Variants in TMPRSS15 observed in about 807,000 individuals in gnomAD.
The protein encoded by TMPRSS15 is transmembrane serine protease 15, also known as enteropeptidase.
Under a neutral mutation model 125.3 loss-of-function variants are expected in TMPRSS15, and 128 were observed. The ratio of observed to expected loss-of-function variants is 1.02; its 90% CI spans 0.89 to 1.18. The LOEUF (loss-of-function observed/expected upper bound fraction) is 1.18, where lower values mean the gene tolerates loss of function less well. TMPRSS15 is among the 50% of genes most tolerant of loss of function. The pLI is 0.00. For missense variants in TMPRSS15, 1,283 were observed against 1,212.7 expected (o/e 1.06, Z -0.86); for synonymous variants, 446 against 423.2 (o/e 1.05, Z -0.66).
In TMPRSS15 at chr21:18,352,972, T is replaced by C. The variant is rs2075585891; in HGVS notation, c.1102A>G (p.Arg368Gly). Residue 368 changes from arginine (R) to glycine (G), a missense_variant, in exon 10 of 25, where the codon AGG (arginine) becomes GGG (glycine). Transcript: ENST00000284885. ...QDLNDDNEWERIQGSTFSPFT... is the reference protein window; with the variant it reads ...QDLNDDNEWEGIQGSTFSPFT... Reference sequence around the variant, plus strand: ...GGAGAAAAGGTGCTTCCCTGAATCCTTTCCCATTCATTATCATCATTTAGA... The same window carrying C: ...GGAGAAAAGGTGCTTCCCTGAATCCCTTCCCATTCATTATCATCATTTAGA... 2 of 1,612,166 alleles carry C rather than the reference T, an allele frequency of 1.2e-6. No homozygotes were observed. The highest frequency in any genetic ancestry group is 1.7e-4 in the Middle Eastern group (1 of 5,888).
intron 1 of TMPRSS15, among the ~76,000 whole-genome samples, chr21:18,468,791 T>C (rs1164287366): frequency 6.6e-6 from 1 of 152,172 alleles, no homozygotes; most frequent in Non-Finnish European, 1.5e-5. Flanking sequence ...CCCTGCCTTT[T>C]AATTTACCCT....
chr21:18,351,660 T>C (rs182244005), intron 10 of TMPRSS15, among the ~76,000 whole-genome samples: 6 of 152,246 alleles, frequency 3.9e-5, no homozygotes, highest in African/African-American at 1.2e-4. Flanking sequence ...GAACTATGAG[T>C]CAATGAAACC....
chr21:18,329,184 C>T lies in TMPRSS15; in HGVS notation c.1765G>A (p.Asp589Asn), dbSNP rs747310332. The T allele has an allele frequency of 6.2e-7, 1 of 1,612,748 alleles. No homozygotes were observed. Among genetic ancestry groups the T allele is most frequent in the Non-Finnish European group, 8.5e-7 (1 of 1,179,092 alleles). The change falls in exon 15 of 25, where the codon GAT becomes AAT. Residue 589 changes from aspartate (D) to asparagine (N), a missense_variant. By Grantham distance (23) the Asp-to-Asn change is conservative (BLOSUM62 1). Transcript: ENST00000284885. ...VVEIRDGEEA[D>N]SLLLAVYTGP... ...GCAGACTTACCTAAGAGCAAGGAATCAGCTTCTTCACCATCTCTTATTTCA... is the reference window on the plus strand; with the variant it reads ...GCAGACTTACCTAAGAGCAAGGAATTAGCTTCTTCACCATCTCTTATTTCA...
At chr21:18,483,053 T>C (rs1979013773) in intron 1 of TMPRSS15, among the ~76,000 whole-genome samples, 1 of 151,838 alleles carries the variant, frequency 6.6e-6, no homozygotes, top group Admixed American at 6.6e-5. Flanking sequence ...ATACTATTAG[T>C]ATCTATATTA....
chr21:18,285,626 A>G lies in TMPRSS15; in HGVS notation c.2487-4405T>C, dbSNP rs2074753206. On this transcript the variant is annotated intron_variant, in intron 21 of 24. Coordinates refer to ENST00000284885, the MANE Select transcript of TMPRSS15 (RefSeq NM_002772.3). ...CTGAAAGTTAGAATGTTTCTGAAAC[A>G]TAGTGTTGTTGCCAGAGAGTACGAA... is the stretch of plus-strand genomic sequence containing the variant. Among the ~76,000 whole-genome samples the G allele has an allele frequency of 2.0e-5, 3 of 152,228 alleles. No homozygotes were observed. In the South Asian group the frequency reaches 6.2e-4, roughly 31 times the overall value.
In TMPRSS15 at chr21:18,319,620, G is replaced by C. The variant is rs564526278; in HGVS notation, c.1922-4364C>G. Among the ~76,000 whole-genome samples, 8 of 152,076 alleles carry C rather than the reference G, an allele frequency of 5.3e-5. No homozygotes were observed. In the East Asian group the frequency reaches 1.5e-3, roughly 29 times the overall value. On this transcript the variant is annotated intron_variant, in intron 16 of 24. Transcript: ENST00000284885. ...ATTTTGTATTTTTAGGTGAGACGGGGTTTTCTCAATGTTGGTCAGGCTGGT... is the reference window on the plus strand; with the variant it reads ...ATTTTGTATTTTTAGGTGAGACGGGCTTTTCTCAATGTTGGTCAGGCTGGT...
chr21:18,473,112 AC>A (rs1236706819), intron 1 of TMPRSS15, among the ~76,000 whole-genome samples: 1 of 152,052 alleles, frequency 6.6e-6, no homozygotes, highest in African/African-American at 2.4e-5. Context: ...ATAACAAAGC[AC>A]CCTTATCTAA....
intron 1 of TMPRSS15, among the ~76,000 whole-genome samples, chr21:18,428,999 G>C (rs1166826877): frequency 2.6e-5 from 4 of 152,198 alleles, no homozygotes; most frequent in Non-Finnish European, 1.5e-5. Context: ...ACCCTGCAAA[G>C]CCACAGGACA....
At chr21:18,317,415 T>C (rs901525635) in intron 16 of TMPRSS15, among the ~76,000 whole-genome samples, 1 of 139,674 alleles carries the variant, frequency 7.2e-6, no homozygotes, top group Non-Finnish European at 1.6e-5. Flanking sequence ...AAAAAATATA[T>C]TGAATAGAGT....
intron 1 of TMPRSS15, among the ~76,000 whole-genome samples, chr21:18,440,963 T>C (rs2076240103): frequency 6.6e-6 from 1 of 152,122 alleles, no homozygotes; most frequent in African/African-American, 2.4e-5. Flanking sequence ...ATTTGAACAA[T>C]TGAACAATCA....
chr21:18,456,581 A>G (rs927265916), intron 1 of TMPRSS15, among the ~76,000 whole-genome samples: 10 of 152,068 alleles, frequency 6.6e-5, no homozygotes, highest in Non-Finnish European at 1.3e-4. Flanking sequence ...CCACTAAATT[A>G]AGATAATCTA....
intron 20 of TMPRSS15, 24 bp downstream of exon 20, chr21:18,294,579 G>A (rs1351852104): frequency 6.2e-7 from 1 of 1,607,810 alleles, no homozygotes; most frequent in Non-Finnish European, 8.5e-7. Flanking sequence ...GCTTGAAGTG[G>A]GATATGACAA....
chr21:18,318,952 A>C (rs2075204547), intron 16 of TMPRSS15, among the ~76,000 whole-genome samples: 2 of 152,232 alleles, frequency 1.3e-5, no homozygotes, highest in Non-Finnish European at 2.9e-5. Flanking sequence ...ATGTTAAAAG[A>C]TTGATATGCC....
chr21:18,321,336 G>T (rs1437451864), intron 16 of TMPRSS15, among the ~76,000 whole-genome samples: 1 of 144,890 alleles, frequency 6.9e-6, no homozygotes, highest in Non-Finnish European at 1.5e-5. Flanking sequence ...AAGCAAAAAC[G>T]ATTTTTTTCC....
chr21:18,377,527 T>G (rs1028198436), intron 5 of TMPRSS15, among the ~76,000 whole-genome samples: 1 of 152,050 alleles, frequency 6.6e-6, no homozygotes, highest in African/African-American at 2.4e-5. Context: ...GATCATCCCC[T>G]AAGAAATATA....
At chr21:18,429,144 C>A (rs1253132985) in intron 1 of TMPRSS15, among the ~76,000 whole-genome samples, 1 of 152,130 alleles carries the variant, frequency 6.6e-6, no homozygotes, top group African/African-American at 2.4e-5. Context: ...CTAGCATGGG[C>A]CCCCTAACCA....
At chr21:18,308,325 C>T (rs147015779) in intron 18 of TMPRSS15, among the ~76,000 whole-genome samples, 237 of 151,800 alleles carry the variant, frequency 1.6e-3, no homozygotes, top group African/African-American at 5.2e-3. Context: ...CTGAAAGCTC[C>T]CCATGTTTAA....
rs775537935 is a variant in TMPRSS15, at chr21:18,312,927, C to T, written c.2165+18G>A. On this transcript the variant is annotated intron_variant, in intron 18 of 24. Coordinates refer to ENST00000284885, the MANE Select transcript of TMPRSS15 (RefSeq NM_002772.3). ...GGTTTGCAAATCTCTTAAAAAGGAA[C>T]TCAGTAGAATTACTTACCCTAGTCC... The T allele has an allele frequency of 3.1e-6, 5 of 1,612,754 alleles. No individual in the cohort carries two copies. In the African/African-American group the frequency reaches 6.7e-5, roughly 22 times the overall value.
At chr21:18,321,791 T>C (rs936194479) in intron 16 of TMPRSS15, among the ~76,000 whole-genome samples, 3 of 152,180 alleles carry the variant, frequency 2.0e-5, no homozygotes, top group South Asian at 2.1e-4. Flanking sequence ...GTAATTGCTT[T>C]TCAGTCTTTG....
Sources: allele counts gnomAD v4.1 joint callset (sites outside exome capture counted in the v4.1 genomes callset), GRCh38; gene constraint gnomAD v4.1.1; transcripts MANE v1.5; gene names NCBI Gene and HGNC (gene_info 2026-07-23, HGNC 2026-07-21).